UVSSA: variants seen among roughly 807,000 people sequenced by gnomAD.
UVSSA encodes the protein UV stimulated scaffold protein A.
Under a neutral mutation model 73.9 loss-of-function variants are expected in UVSSA, and 72 were observed. The observed-to-expected ratio is 0.97, with a 90% CI of 0.81 to 1.19. The LOEUF (loss-of-function observed/expected upper bound fraction) is 1.19, where lower values mean the gene tolerates loss of function less well. Among genes scored for constraint, UVSSA ranks in the 50% most tolerant of loss-of-function variants. The pLI, the probability that UVSSA is intolerant of heterozygous loss-of-function variation, is 0.00. For missense variants in UVSSA, 1,150 were observed against 965.0 expected (o/e 1.19, Z -2.54); for synonymous variants, 454 against 391.3 (o/e 1.16, Z -1.89).
In UVSSA at chr4:1,380,870, C is replaced by G; in HGVS notation, c.1753-10C>G. The G allele has an allele frequency of 6.2e-7, 1 of 1,611,226 alleles. No individual in the cohort carries two copies. The highest frequency in any genetic ancestry group is 8.5e-7 in the Non-Finnish European group (1 of 1,178,712). Reference sequence around the variant, plus strand: ...TCCCCGCCATCAGCCACCGTGTCCTCGCTGTGCAGTGCCCTTTCCATGGGA... The same window carrying G: ...TCCCCGCCATCAGCCACCGTGTCCTGGCTGTGCAGTGCCCTTTCCATGGGA... On this transcript the variant is annotated splice_polypyrimidine_tract_variant and intron_variant, in intron 11 of 13. Coordinates refer to ENST00000389851, the MANE Select transcript of UVSSA (RefSeq NM_020894.4).
intron 10 of UVSSA, among the ~76,000 whole-genome samples, chr4:1,378,159 G>A (rs980958920): frequency 3.3e-5 from 5 of 152,322 alleles, no homozygotes; most frequent in South Asian, 4.1e-4. Flanking sequence ...ATGCGGGTCC[G>A]GGAAGCCAGG....
In UVSSA at chr4:1,385,910, C is replaced by G; in HGVS notation, c.2079C>G (p.Asp693Glu). 1 of 1,614,060 alleles carries G rather than the reference C, an allele frequency of 6.2e-7. No homozygotes were observed. Among genetic ancestry groups the G allele is most frequent in the East Asian group, 2.2e-5 (1 of 44,878 alleles). The change falls in exon 14 of 14, where the codon GAC (aspartate) becomes GAG (glutamate). Residue 693 changes from aspartate (D) to glutamate (E), a missense_variant. By Grantham distance (45) the Asp-to-Glu change is conservative. Coordinates refer to ENST00000389851, the MANE Select transcript of UVSSA (RefSeq NM_020894.4). Reference sequence around the variant, plus strand: ...TAGTGGCAGCCATGAACCGGATGGACCAGAAGAAGCACGAGAAGTTTTCAA... The same window carrying G: ...TAGTGGCAGCCATGAACCGGATGGAGCAGAAGAAGCACGAGAAGTTTTCAA... ...RRVVAAMNRM[D>E]QKKHEKFSNQ...
intron 5 of UVSSA, among the ~76,000 whole-genome samples, 172 bp downstream of exon 5, chr4:1,353,585 C>T (rs1715153159): frequency 6.6e-6 from 1 of 152,118 alleles, no homozygotes; most frequent in African/African-American, 2.4e-5. Flanking sequence ...GCACTGGGCT[C>T]CCCCCACCCA....
intron 8 of UVSSA, among the ~76,000 whole-genome samples, chr4:1,370,591 C>G (rs938999757): frequency 6.6e-6 from 1 of 152,258 alleles, no homozygotes; most frequent in Non-Finnish European, 1.5e-5. Context: ...AGGGCCAGAG[C>G]GCAGTCTCTC....
At chr4:1,346,517 C>A (rs1053811185), upstream of UVSSA, among the ~76,000 whole-genome samples, 12 of 152,318 alleles carry the variant, frequency 7.9e-5, no homozygotes, top group East Asian at 2.3e-3. Context: ...GCTTCTCATT[C>A]CGCCCAGGGC....
At chr4:1,392,382 G>A (rs756872366), downstream of UVSSA, 2 of 152,240 alleles carry the variant, frequency 1.3e-5, no homozygotes, top group Admixed American at 6.5e-5. Context: ...TGGCTTTGCA[G>A]TTGTCTTTTT....
At position 1,354,655 on chromosome 4, in the gene UVSSA, C is replaced by G; in HGVS notation, c.935-80C>G. 3.0e-6 allele frequency: 4 copies of G among 1,334,046 alleles called. No individual in the cohort carries two copies. In the South Asian group the frequency reaches 3.7e-5, roughly 12 times the overall value. The allele number at this position is 1,334,046 out of a possible 1,614,324, so 82.6% of individuals were successfully genotyped here. On this transcript the variant is annotated intron_variant, in intron 5 of 13. Transcript: ENST00000389851. ...GTTCCCCTCAGGCTAGAGCAGCCTT[C>G]CTTGCATGGTCTGCCTCTCCGGGGC...
intron 11 of UVSSA, 127 bp from the exon 12 acceptor site, chr4:1,380,753 G>A: frequency 6.4e-7 from 1 of 1,568,262 alleles, no homozygotes; most frequent in African/African-American, 1.4e-5. Flanking sequence ...TCCAGGTTGT[G>A]TACACTTTGG....
At chr4:1,374,649 C>T (rs1374420417) in intron 8 of UVSSA, among the ~76,000 whole-genome samples, 5 of 152,190 alleles carry the variant, frequency 3.3e-5, no homozygotes, top group African/African-American at 4.8e-5. Context: ...CACTCCGGGA[C>T]GGCATCTTGG....
Position 1,347,255 on chromosome 4 carries a change from CG to C in UVSSA, c.-505del, listed in dbSNP as rs1713824108. On this transcript the variant is annotated 5_prime_UTR_variant, in exon 1 of 14. Transcript: ENST00000389851. ...GTAGGTGGGGCTGTGGTTACGCTGC[CG>C]GGCGGGGGTCGCGCCGGTTCGGTCC... The C allele has an allele frequency of 6.6e-6, 1 of 151,868 alleles. No homozygotes were observed. Among genetic ancestry groups the C allele is most frequent in the Non-Finnish European group, 1.5e-5 (1 of 67,902 alleles). The allele number at this position is 151,868 out of a possible 1,614,324, so 9.4% of individuals were successfully genotyped here. A position where few individuals can be genotyped will look rare whatever the true frequency, so the allele number is the denominator to read the frequency against.
intron 8 of UVSSA, among the ~76,000 whole-genome samples, chr4:1,374,572 G>C (rs577425949): frequency 2.0e-5 from 3 of 152,368 alleles, no homozygotes; most frequent in African/African-American, 7.2e-5. Flanking sequence ...CATCTCTGTG[G>C]GACGTTGGTG....
In UVSSA at chr4:1,353,056, T is replaced by C. The variant is rs148246275; in HGVS notation, c.577T>C (p.Leu193=). 55 of 1,612,134 alleles carry C rather than the reference T, an allele frequency of 3.4e-5. No homozygotes were observed. Among genetic ancestry groups the C allele is most frequent in the Admixed American group, 1.7e-5 (1 of 59,904 alleles). The part of the protein sequence containing the change: ...QEMSGEIESC[L]TEVESCFRLL... ...AATGTCTGGAGAAATTGAATCCTGC[T>C]TGACGGAGGTAGAGAGCTGCTTTAG... The change falls in exon 5 of 14, where the codon TTG becomes CTG. Residue 193 remains leucine, a synonymous_variant. Coordinates refer to ENST00000389851, the MANE Select transcript of UVSSA (RefSeq NM_020894.4).
At chr4:1,366,860 T>C (rs965577536) in intron 8 of UVSSA, among the ~76,000 whole-genome samples, 1 of 152,176 alleles carries the variant, frequency 6.6e-6, no homozygotes, top group African/African-American at 2.4e-5. Context: ...GGTCTCTCCC[T>C]CTGTGCCATC....
chr4:1,375,273 C>T (rs900170759), intron 8 of UVSSA, 91 bp from the exon 9 acceptor site: 23 of 1,562,704 alleles, frequency 1.5e-5, no homozygotes, highest in Non-Finnish European at 1.7e-5. Context: ...AACACGCTAA[C>T]GCATAGGCGC....
Position 1,349,723 on chromosome 4 carries a change from C to T in UVSSA, c.298C>T (p.Pro100Ser), listed in dbSNP as rs751045909. 6.2e-7 allele frequency: 1 copy of T among 1,613,790 alleles called. No homozygotes were observed. The highest frequency in any genetic ancestry group is 8.5e-7 in the Non-Finnish European group (1 of 1,179,908). ...GGGCACAGACCCCGCACAGCCTCTG[C>T]CGCCCCCCAGGGAGGCGGCACAGAG... Reference protein sequence around the residue: ...TLGTDPAQPLPPPREAAQRLR... With the variant: ...TLGTDPAQPLSPPREAAQRLR... The change falls in exon 3 of 14, where the codon CCG (proline) becomes TCG (serine). Residue 100 changes from proline (P) to serine (S), a missense_variant. By Grantham distance (74) the Pro-to-Ser change is moderately conservative. Transcript: ENST00000389851.
At chr4:1,391,552 T>C (rs1720414856), downstream of UVSSA, 1 of 152,188 alleles carries the variant, frequency 6.6e-6, no homozygotes, top group South Asian at 2.1e-4. Flanking sequence ...TCTTTGTCTT[T>C]AGTGAAAAAA....
At chr4:1,344,068 G>A (rs1713522598), upstream of UVSSA, among the ~76,000 whole-genome samples, 1 of 151,918 alleles carries the variant, frequency 6.6e-6, no homozygotes, top group South Asian at 2.1e-4. Flanking sequence ...GGGGGAGGAG[G>A]GGACAAGAAA....
At chr4:1,394,342 C>T in exon 14 of UVSSA, 2 of 1,182,596 alleles carry the variant, frequency 1.7e-6, no homozygotes, top group South Asian at 1.6e-5. Flanking sequence ...AATGCTCTTC[C>T]CCCTTAAAGA....
At chr4:1,369,705 G>GC (rs1717787163) in intron 8 of UVSSA, among the ~76,000 whole-genome samples, 1 of 152,248 alleles carries the variant, frequency 6.6e-6, no homozygotes, top group South Asian at 2.1e-4. Flanking sequence ...GGGCGCAGAG[G>GC]CCCCCCTCTC....
Sources: gnomAD v4.1 joint callset for allele counts (sites outside exome capture counted in the v4.1 genomes callset) on GRCh38, gnomAD v4.1.1 for gene constraint, MANE v1.5 for transcripts, NCBI Gene and HGNC (gene_info 2026-07-23, HGNC 2026-07-21) for gene names.